The following AGBL4 variants were observed in gnomAD, a reference collection of about 807,000 sequenced individuals.
AGBL4 encodes AGBL carboxypeptidase 4.
In AGBL4, 58 loss-of-function variants were observed where a neutral mutation model predicts 66.4. The ratio of observed to expected loss-of-function variants is 0.87; its 90% CI spans 0.71 to 1.09. The LOEUF (loss-of-function observed/expected upper bound fraction) is 1.09, where lower values mean the gene tolerates loss of function less well. Among genes scored for constraint, AGBL4 ranks in the 50% least tolerant of loss-of-function variants. The pLI is 0.00. For missense variants in AGBL4, 579 were observed against 631.0 expected (o/e 0.92, Z 0.88); for synonymous variants, 234 against 222.9 (o/e 1.05, Z -0.44).
At chr1:49,739,490 T>C (rs191277151) in intron 2 of AGBL4, among the ~76,000 whole-genome samples, 6 of 152,260 alleles carry the variant, frequency 3.9e-5, no homozygotes, top group African/African-American at 7.2e-5. Context: ...TGCAGGATAT[T>C]ATCCAGGAGA....
intron 11 of AGBL4, among the ~76,000 whole-genome samples, chr1:48,540,922 A>G (rs1222204064): frequency 1.3e-5 from 2 of 152,178 alleles, no homozygotes; most frequent in Non-Finnish European, 1.5e-5. Flanking sequence ...GGATTCTGCA[A>G]TGCAGCTCTG....
chr1:48,839,193 A>G (rs1646746072), intron 6 of AGBL4, among the ~76,000 whole-genome samples: 1 of 152,128 alleles, frequency 6.6e-6, no homozygotes, highest in Non-Finnish European at 1.5e-5. Flanking sequence ...TCGAAAAGAA[A>G]GGAAATCAGC....
At chr1:48,769,622 C>A (rs1644711277) in intron 6 of AGBL4, among the ~76,000 whole-genome samples, 1 of 151,700 alleles carries the variant, frequency 6.6e-6, no homozygotes. Context: ...TCCTCTAAGT[C>A]ATTCCTTTCC....
chr1:50,017,553 T>C (rs1662085756), intron 1 of AGBL4: 1 of 152,126 alleles, frequency 6.6e-6, no homozygotes, highest in Non-Finnish European at 1.5e-5. Flanking sequence ...AAGAAAGCCA[T>C]ATAAAGAAAC....
intron 3 of AGBL4, among the ~76,000 whole-genome samples, chr1:49,299,415 C>T (rs1644703690): frequency 6.6e-6 from 1 of 152,144 alleles, no homozygotes; most frequent in African/African-American, 2.4e-5. Flanking sequence ...AATTAGCTAC[C>T]TCTCTTCTTT....
intron 2 of AGBL4, among the ~76,000 whole-genome samples, chr1:49,782,547 AG>A (rs1480132508): frequency 6.6e-6 from 1 of 152,186 alleles, no homozygotes; most frequent in South Asian, 2.1e-4. Flanking sequence ...TTAAGAAGTA[AG>A]TAGAAGTTCT....
chr1:49,124,431 TGC>T (rs1463986113), intron 4 of AGBL4, among the ~76,000 whole-genome samples: 2 of 152,198 alleles, frequency 1.3e-5, no homozygotes, highest in Non-Finnish European at 2.9e-5. Context: ...CCTCATCAGC[TGC>T]TATTGGATAA....
intron 2 of AGBL4, among the ~76,000 whole-genome samples, chr1:49,825,224 A>C (rs1399694524): frequency 6.6e-6 from 1 of 152,214 alleles, no homozygotes; most frequent in Non-Finnish European, 1.5e-5. Flanking sequence ...TCTGTGATGT[A>C]TTTTAAAGCA....
At chr1:49,516,075 C>CAA (rs34349640) in intron 3 of AGBL4, among the ~76,000 whole-genome samples, 1 of 147,606 alleles carries the variant, frequency 6.8e-6, no homozygotes, top group Non-Finnish European at 1.5e-5. Context: ...CCCCCCCCCA[C>CAA]AAAAAAAAAT....
intron 3 of AGBL4, among the ~76,000 whole-genome samples, chr1:49,685,611 G>T (rs1161365267): frequency 6.6e-6 from 1 of 152,156 alleles, no homozygotes; most frequent in Non-Finnish European, 1.5e-5. Context: ...GGTGTGACAT[G>T]ATACCTCATA....
intron 3 of AGBL4, among the ~76,000 whole-genome samples, chr1:49,606,831 C>T (rs1168277936): frequency 1.3e-5 from 2 of 152,186 alleles, no homozygotes; most frequent in East Asian, 3.9e-4. Flanking sequence ...CTTTAATTTC[C>T]TTTCTACATC....
At chr1:49,034,691 T>A (rs1003210266) in intron 5 of AGBL4, among the ~76,000 whole-genome samples, 4 of 152,012 alleles carry the variant, frequency 2.6e-5, no homozygotes, top group East Asian at 1.9e-4. Context: ...GGTGTGATGG[T>A]TTTATAAGGG....
intron 1 of AGBL4, among the ~76,000 whole-genome samples, chr1:49,930,536 C>CT: frequency 6.6e-6 from 1 of 152,126 alleles, no homozygotes; most frequent in Non-Finnish European, 1.5e-5. Flanking sequence ...TCTAAATAAA[C>CT]TTTTCACAAA....
At chr1:48,713,208 T>C (rs754593282) in intron 6 of AGBL4, among the ~76,000 whole-genome samples, 5 of 152,148 alleles carry the variant, frequency 3.3e-5, no homozygotes, top group Non-Finnish European at 7.3e-5. Flanking sequence ...CCCTGATTGA[T>C]GGCAACCCAG....
At chr1:48,787,255 T>A (rs1189321461) in intron 6 of AGBL4, among the ~76,000 whole-genome samples, 1 of 152,172 alleles carries the variant, frequency 6.6e-6, no homozygotes, top group Non-Finnish European at 1.5e-5. Flanking sequence ...GATGGGGAGA[T>A]GATGAAACAT....
At chr1:48,674,995 C>T (rs1221155337) in intron 6 of AGBL4, among the ~76,000 whole-genome samples, 2 of 152,190 alleles carry the variant, frequency 1.3e-5, no homozygotes, top group Non-Finnish European at 2.9e-5. Context: ...GGCAGAAGCC[C>T]TGTCTTATTC....
At chr1:49,282,258 T>A (rs1170115599) in intron 3 of AGBL4, among the ~76,000 whole-genome samples, 1 of 152,216 alleles carries the variant, frequency 6.6e-6, no homozygotes, top group Non-Finnish European at 1.5e-5. Flanking sequence ...AAGAATGAAC[T>A]GCAGGTCTGC....
chr1:49,522,341 C>T (rs1398153599), intron 3 of AGBL4, among the ~76,000 whole-genome samples: 1 of 152,032 alleles, frequency 6.6e-6, no homozygotes, highest in African/African-American at 2.4e-5. Context: ...CAACATCTAG[C>T]CTGTTTCAAA....
intron 5 of AGBL4, among the ~76,000 whole-genome samples, chr1:48,884,960 AAGAG>A (rs900011919): frequency 7.0e-6 from 1 of 143,650 alleles, no homozygotes; most frequent in Admixed American, 7.3e-5. Context: ...GAGAATGACA[AAGAG>A]AGAGAGGCAG....
Sources: gnomAD v4.1 joint callset for allele counts (sites outside exome capture counted in the v4.1 genomes callset) on GRCh38, gnomAD v4.1.1 for gene constraint, MANE v1.5 for transcripts, NCBI Gene and HGNC (gene_info 2026-07-23, HGNC 2026-07-21) for gene names.